Variants in KCNMA1 observed in about 807,000 individuals in gnomAD.
KCNMA1 encodes the protein potassium calcium-activated channel subfamily M alpha 1.
Under a neutral mutation model 140.0 loss-of-function variants are expected in KCNMA1, and 29 were observed. The observed-to-expected ratio is 0.21, with a 90% CI of 0.15 to 0.28. KCNMA1 has a LOEUF of 0.28. Ranked by LOEUF, KCNMA1 falls within the 10% of genes least tolerant of loss-of-function variation. The probability of loss-of-function intolerance (pLI) is 1.00; values close to 1 mark genes in which losing one functional copy is unlikely to be tolerated. For synonymous variants in KCNMA1, 612 were observed against 611.9 expected, an observed-to-expected ratio of 1.00 and a Z score of 0.00; for missense variants, 880 against 1,602.2, an observed-to-expected ratio of 0.55 and a Z score of 7.70.
chr10:76,872,193 GT>G (rs1358334928), downstream of KCNMA1: 4 of 152,180 alleles, frequency 2.6e-5, no homozygotes, highest in African/African-American at 9.7e-5. Flanking sequence ...AATCTACTTT[GT>G]GAGTTTGTTG....
At chr10:76,976,173 C>A (rs1211773899) in intron 19 of KCNMA1, among the ~76,000 whole-genome samples, 1 of 152,146 alleles carries the variant, frequency 6.6e-6, no homozygotes, top group Admixed American at 6.5e-5. Context: ...CCTGTACTGC[C>A]CTAGGACAGG....
rs748376042 is a variant in KCNMA1 at position 77,509,308 on chromosome 10, G to A, written c.379-105285C>T. ...TAATTTTTGTCTTTTTAGTAGAGAC[G>A]GGGTTTGACCATGTTGACCAGGCTA... On this transcript the variant is annotated intron_variant, in intron 1 of 27. Coordinates refer to ENST00000286628, the MANE Select transcript of KCNMA1 (RefSeq NM_001161352.2). Among the ~76,000 whole-genome samples the A allele has an allele frequency of 2.6e-5, 4 of 152,158 alleles. No individual in the cohort carries two copies. The South Asian group carries it at 6.2e-4, about 24-fold the overall frequency.
At chr10:77,449,941 CTATT>C (rs1478663413) in intron 1 of KCNMA1, among the ~76,000 whole-genome samples, 2 of 147,478 alleles carry the variant, frequency 1.4e-5, no homozygotes, top group Non-Finnish European at 3.0e-5. Flanking sequence ...CACGCCTGGC[CTATT>C]TATTTATTTT....
At chr10:77,565,933 A>G (rs769507394) in intron 1 of KCNMA1, among the ~76,000 whole-genome samples, 71 of 152,140 alleles carry the variant, frequency 4.7e-4, no homozygotes, top group Non-Finnish European at 3.7e-4. Flanking sequence ...ACACAGAACA[A>G]GCCAGTGCCT....
chr10:77,197,672 C>T (rs954665835), intron 3 of KCNMA1, among the ~76,000 whole-genome samples: 22 of 152,246 alleles, frequency 1.4e-4, no homozygotes, highest in Admixed American at 1.1e-3. Flanking sequence ...GGGGAAAGCA[C>T]GTCAACATGC....
chr10:77,099,168 C>T (rs1427356672), intron 9 of KCNMA1, among the ~76,000 whole-genome samples: 1 of 151,958 alleles, frequency 6.6e-6, no homozygotes, highest in Non-Finnish European at 1.5e-5. Flanking sequence ...AGAATGAGTC[C>T]AAGCAAAGAA....
chr10:76,943,047 A>G (rs2062991136), intron 23 of KCNMA1, among the ~76,000 whole-genome samples: 1 of 152,222 alleles, frequency 6.6e-6, no homozygotes. Flanking sequence ...ACAGACACCC[A>G]TACTGGGGCA....
chr10:77,471,317 CCACA>C (rs936353497), intron 1 of KCNMA1, among the ~76,000 whole-genome samples: 1 of 151,156 alleles, frequency 6.6e-6, no homozygotes, highest in African/African-American at 2.4e-5. Flanking sequence ...ACAGTGCACA[CCACA>C]CACAACTCAC....
At chr10:77,282,590 A>G (rs972183723) in intron 2 of KCNMA1, among the ~76,000 whole-genome samples, 2 of 152,216 alleles carry the variant, frequency 1.3e-5, no homozygotes, top group African/African-American at 4.8e-5. Flanking sequence ...TGACTAGGTG[A>G]CATCAAGGGA....
chr10:77,072,671 T>C (rs2096257089), intron 14 of KCNMA1, among the ~76,000 whole-genome samples: 1 of 152,126 alleles, frequency 6.6e-6, no homozygotes, highest in Admixed American at 6.5e-5. Context: ...CTGTTGGGGT[T>C]TGGGCTTCAG....
chr10:77,474,088 T>C (rs898513109), intron 1 of KCNMA1, among the ~76,000 whole-genome samples: 1 of 152,208 alleles, frequency 6.6e-6, no homozygotes, highest in Non-Finnish European at 1.5e-5. Context: ...TTCTGGGGCC[T>C]ACATTCTCCC....
chr10:77,001,983 G>A (rs982626260), intron 18 of KCNMA1, among the ~76,000 whole-genome samples: 1 of 152,170 alleles, frequency 6.6e-6, no homozygotes, highest in African/African-American at 2.4e-5. Flanking sequence ...GCCAATCAAT[G>A]AAATTAGCTG....
chr10:77,226,649 G>C (rs1170724871), intron 3 of KCNMA1, among the ~76,000 whole-genome samples: 2 of 152,132 alleles, frequency 1.3e-5, no homozygotes, highest in Non-Finnish European at 2.9e-5. Context: ...CCTTCCCAGG[G>C]AGAAAAGAAC....
At chr10:77,442,551 C>T (rs2097429890) in intron 1 of KCNMA1, among the ~76,000 whole-genome samples, 1 of 152,128 alleles carries the variant, frequency 6.6e-6, no homozygotes. Flanking sequence ...TTGCTCAGTG[C>T]CTCAGCTTCC....
chr10:77,081,758 G>GCAGTT (rs2096572186), intron 12 of KCNMA1, among the ~76,000 whole-genome samples: 1 of 152,144 alleles, frequency 6.6e-6, no homozygotes, highest in African/African-American at 2.4e-5. Context: ...GCCCTGCCTT[G>GCAGTT]CAGTTCACAG....
chr10:77,558,685 C>A (rs1330857260), intron 1 of KCNMA1, among the ~76,000 whole-genome samples: 1 of 152,198 alleles, frequency 6.6e-6, no homozygotes, highest in African/African-American at 2.4e-5. Flanking sequence ...AAGAAAGCTG[C>A]CCCTGCCAGT....
At chr10:77,356,012 C>G (rs972168374) in intron 2 of KCNMA1, among the ~76,000 whole-genome samples, 4 of 152,226 alleles carry the variant, frequency 2.6e-5, no homozygotes, top group African/African-American at 9.6e-5. Context: ...CTTCTGTCTC[C>G]TAGACTACAT....
At chr10:77,188,501 C>A (rs2098902317) in intron 3 of KCNMA1, among the ~76,000 whole-genome samples, 1 of 152,142 alleles carries the variant, frequency 6.6e-6, no homozygotes, top group Non-Finnish European at 1.5e-5. Context: ...GCAAATTTAG[C>A]ATGTTGACCA....
At chr10:77,349,137 A>T (rs1336423016) in intron 2 of KCNMA1, among the ~76,000 whole-genome samples, 3 of 152,134 alleles carry the variant, frequency 2.0e-5, no homozygotes, top group Non-Finnish European at 4.4e-5. Flanking sequence ...CTCATCACCA[A>T]TGTAATTATA....
Sources: allele counts gnomAD v4.1 joint callset (sites outside exome capture counted in the v4.1 genomes callset), GRCh38; gene constraint gnomAD v4.1.1; transcripts MANE v1.5; gene names NCBI Gene and HGNC (gene_info 2026-07-23, HGNC 2026-07-21).